GJA9: variants seen among roughly 807,000 people sequenced by gnomAD.
GJA9 encodes the protein gap junction alpha-9 protein.
Under a neutral mutation model 0.4 loss-of-function variants are expected in GJA9, and 1 was observed. That is an observed-to-expected ratio of 2.50 (90% confidence interval 0.89 to 11.88). The LOEUF (loss-of-function observed/expected upper bound fraction) is 11.88, where lower values mean the gene tolerates loss of function less well. Ranked by LOEUF, GJA9 falls within the 30% of genes most tolerant of loss-of-function variation. The probability of loss-of-function intolerance (pLI) is 0.12; values close to 1 mark genes in which losing one functional copy is unlikely to be tolerated. For missense variants in GJA9, 550 were observed against 602.8 expected, an observed-to-expected ratio of 0.91 and a Z score of 0.92; for synonymous variants, 190 against 219.1, an observed-to-expected ratio of 0.87 and a Z score of 1.17.
Position 38,876,123 on chromosome 1 carries a change from T to G in GJA9, c.-25A>C. Reference sequence around the variant, plus strand: ...TGTTTATTTAGTCAGCCATCTTAGCTCTGATCCACATCAAATAAGAGGCAG... The same window carrying G: ...TGTTTATTTAGTCAGCCATCTTAGCGCTGATCCACATCAAATAAGAGGCAG... On this transcript the variant is annotated 5_prime_UTR_variant, in exon 2 of 2. Coordinates refer to ENST00000357771, the MANE Select transcript of GJA9 (RefSeq NM_030772.5). The G allele has an allele frequency of 1.3e-6, 2 of 1,561,750 alleles. No individual in the cohort carries two copies. The highest frequency in any genetic ancestry group is 1.8e-6 in the Non-Finnish European group (2 of 1,138,782).
intron 1 of GJA9, among the ~76,000 whole-genome samples, chr1:38,880,767 G>A (rs1642684776): frequency 6.6e-6 from 1 of 151,918 alleles, no homozygotes; most frequent in Non-Finnish European, 1.5e-5. Context: ...GGGCAATAGA[G>A]TGAGACTCTG....
intron 1 of GJA9, among the ~76,000 whole-genome samples, chr1:38,880,413 A>T (rs867578059): frequency 0.013 from 1,582 of 119,816 alleles, 113 homozygotes; most frequent in African/African-American, 0.043. Flanking sequence ...AAAAAAAAAT[A>T]AATAATAATA....
At chr1:38,876,980 G>A (rs1222708694) in intron 1 of GJA9, among the ~76,000 whole-genome samples, 8 of 151,694 alleles carry the variant, frequency 5.3e-5, no homozygotes, top group African/African-American at 1.7e-4. Flanking sequence ...TGGCCACCTC[G>A]GCCTCCCAAA....
At position 38,875,406 on chromosome 1, in the gene GJA9, GA is replaced by G; in HGVS notation, c.692del (p.Phe231SerfsTer3). 1 of 1,613,572 alleles carries G rather than the reference GA, an allele frequency of 6.2e-7. No individual in the cohort carries two copies. The highest frequency in any genetic ancestry group is 8.5e-7 in the Non-Finnish European group (1 of 1,179,842). ...ISLFLNILEI[F>X]HLGFKKIKRG... ...TTTTAATCTTTTTAAAACCTAGGTG[GA>G]AAATTTCAAGAATGTTTAAGAAAAG... On this transcript the variant is annotated frameshift_variant, in exon 2 of 2. Transcript: ENST00000357771. LOFTEE classifies it low-confidence loss of function (END_TRUNC).
Position 38,874,525 on chromosome 1 carries a change from T to C in GJA9, c.*26A>G, listed in dbSNP as rs1480094900. 1.9e-6 allele frequency: 3 copies of C among 1,559,366 alleles called. No individual in the cohort carries two copies. The highest frequency in any genetic ancestry group is 2.6e-6 in the Non-Finnish European group (3 of 1,136,200). On this transcript the variant is annotated 3_prime_UTR_variant, in exon 2 of 2. Transcript: ENST00000357771. ...ACTAGGCTACTTCTCTGATAATATA[T>C]ATAATGTCTAAAAGCCAACCGCTGT...
At chr1:38,879,368 TAC>T (rs1642650649) in intron 1 of GJA9, among the ~76,000 whole-genome samples, 1 of 152,160 alleles carries the variant, frequency 6.6e-6, no homozygotes, top group South Asian at 2.1e-4. Context: ...TCAAACAAAC[TAC>T]TAAGATACAA....
At position 38,875,804 on chromosome 1, in the gene GJA9, G is replaced by A. The variant is rs760275668; in HGVS notation, c.295C>T (p.Arg99Ter). 41 of 1,614,032 alleles carry A rather than the reference G, an allele frequency of 2.5e-5. No homozygotes were observed. The highest frequency in any genetic ancestry group is 3.3e-5 in the Non-Finnish European group (39 of 1,180,042). Residue 99 changes from arginine (R) to a stop codon, truncating the protein, a stop_gained, in exon 2 of 2, where the codon CGA (arginine) becomes TGA (stop). Transcript: ENST00000357771. LOFTEE classifies it low-confidence loss of function (END_TRUNC). ...SLVYMGHALY[R>*]LRVLEEERQR... is the part of the protein sequence containing the mutation. The stretch of plus-strand genomic sequence containing the variant: ...CTCTCTTCCTCAAGAACTCTCAGTC[G>A]GTACAATGCATGGCCCATGTAGACC...
Position 38,874,373 on chromosome 1 carries a change from T to A in GJA9, c.*178A>T. ...ATTTGACAACTCTATGTCTTTGAATTTAGAAGTGTTGCTTCACAATCTCGA... is the reference window on the plus strand; with the variant it reads ...ATTTGACAACTCTATGTCTTTGAATATAGAAGTGTTGCTTCACAATCTCGA... On this transcript the variant is annotated 3_prime_UTR_variant, in exon 2 of 2. Coordinates refer to ENST00000357771, the MANE Select transcript of GJA9 (RefSeq NM_030772.5). 1 of 561,304 alleles carries A rather than the reference T, an allele frequency of 1.8e-6. No homozygotes were observed. Among genetic ancestry groups the A allele is most frequent in the Admixed American group, 3.4e-5 (1 of 29,266 alleles). 34.8% of individuals were successfully genotyped at this position (561,304 alleles called of 1,614,324 possible). A position where few individuals can be genotyped will look rare whatever the true frequency, so the allele number is the denominator to read the frequency against.
Position 38,877,055 on chromosome 1 carries a change from T to A in GJA9, c.-95-862A>T, listed in dbSNP as rs1642600429. Among the ~76,000 whole-genome samples, 3 of 149,460 alleles carry A rather than the reference T, an allele frequency of 2.0e-5. No individual in the cohort carries two copies. The South Asian group carries it at 6.5e-4, about 32-fold the overall frequency. ...AAATTATATTCTTTTTTTTTTTTTT[T>A]TTGAGACGGAGTCTCACTCTGTAGC... On this transcript the variant is annotated intron_variant, in intron 1 of 1. Coordinates refer to ENST00000357771, the MANE Select transcript of GJA9 (RefSeq NM_030772.5).
Position 38,875,505 on chromosome 1 carries a change from G to T in GJA9, c.594C>A (p.Ile198=). 2 of 1,614,116 alleles carry T rather than the reference G, an allele frequency of 1.2e-6. No homozygotes were observed. The highest frequency in any genetic ancestry group is 1.7e-6 in the Non-Finnish European group (2 of 1,179,972). The change falls in exon 2 of 2, where the codon ATC becomes ATA. Residue 198 remains isoleucine (I), a synonymous_variant. Transcript: ENST00000357771. ...CTGTTGGTCTTGAGACAAAACAGTCGATTATATTTGGACACGGGTGGCCAT... is the reference window on the plus strand; with the variant it reads ...CTGTTGGTCTTGAGACAAAACAGTCTATTATATTTGGACACGGGTGGCCAT... ...KCHGHPCPNI[I]DCFVSRPTEK...
chr1:38,875,595 T>A lies in GJA9; in HGVS notation c.504A>T (p.Glu168Asp). The A allele has an allele frequency of 6.2e-7, 1 of 1,614,184 alleles. No homozygotes were observed. The highest frequency in any genetic ancestry group is 8.5e-7 in the Non-Finnish European group (1 of 1,180,036). ...VIHIFTRSVV[E>D]VGFMIGQYLL... The stretch of plus-strand genomic sequence containing the variant: ...GGTACTGTCCAATCATGAATCCAAC[T>A]TCAACCACAGAGCGAGTGAAAATGT... Residue 168 changes from glutamate to aspartate, a missense_variant, in exon 2 of 2, where the codon GAA becomes GAT. Glu to Asp is a conservative substitution (Grantham distance 45, BLOSUM62 2). Transcript: ENST00000357771.
Position 38,875,993 on chromosome 1 carries a change from C to A in GJA9, c.106G>T (p.Val36Phe). 1 of 1,614,224 alleles carries A rather than the reference C, an allele frequency of 6.2e-7. No individual in the cohort carries two copies. The part of the protein sequence containing the change: ...LTILFIFRML[V>F]LGVAAEDVWN... Reference sequence around the variant, plus strand: ...ACATCTTCAGCTGCTACACCCAGAACAAGCATTCGAAATATGAACAGGATG... The same window carrying A: ...ACATCTTCAGCTGCTACACCCAGAAAAAGCATTCGAAATATGAACAGGATG... The change falls in exon 2 of 2, where the codon GTT becomes TTT. Residue 36 changes from valine to phenylalanine, a missense_variant. Coordinates refer to ENST00000357771, the MANE Select transcript of GJA9 (RefSeq NM_030772.5).
intron 1 of GJA9, among the ~76,000 whole-genome samples, chr1:38,880,413 A>AAAAAAT (rs1408571116): frequency 0.018 from 2,157 of 119,736 alleles, 164 homozygotes; most frequent in Non-Finnish European, 0.027. Context: ...AAAAAAAAAT[A>AAAAAAT]AATAATAATA....
rs1347390543 is a variant in GJA9, at chr1:38,874,831, C to T, written c.1268G>A (p.Arg423Lys). Residue 423 changes from arginine (R) to lysine (K), a missense_variant, in exon 2 of 2, where the codon AGA (arginine) becomes AAA (lysine). Coordinates refer to ENST00000357771, the MANE Select transcript of GJA9 (RefSeq NM_030772.5). ...ANCDWKPRWL[R>K]ATWGSSTEHE... ...TTCTGTAGAGGAACCCCATGTAGCT[C>T]TAAGCCACCGCGGTTTCCAATCGCA... is the stretch of plus-strand genomic sequence containing the variant. The T allele has an allele frequency of 1.9e-6, 3 of 1,614,066 alleles. No individual in the cohort carries two copies. Among genetic ancestry groups the T allele is most frequent in the African/African-American group, 1.3e-5 (1 of 74,928 alleles).
chr1:38,876,266 G>T lies in GJA9; in HGVS notation c.-95-73C>A, dbSNP rs1398780435. ...TACTTTTTCCCTAGATAGCTGTGGG[G>T]TTTTTTCTTTGTTTGTTTGTTTGTT... On this transcript the variant is annotated intron_variant, in intron 1 of 1. Transcript: ENST00000357771. 24 of 634,894 alleles carry T rather than the reference G, an allele frequency of 3.8e-5. No individual in the cohort carries two copies. The South Asian group carries it at 4.5e-4, about 12-fold the overall frequency. 39.3% of individuals were successfully genotyped at this position (634,894 alleles called of 1,614,324 possible).
Position 38,881,468 on chromosome 1 carries a change from G to GT in GJA9, c.-133dup. On this transcript the variant is annotated 5_prime_UTR_variant, in exon 1 of 2. Transcript: ENST00000357771. ...TAGGTAAATCTGAGAAGCAAACCAT[G>GT]TTTAGAAGTTACAGCATGGCCATCT... is the stretch of plus-strand genomic sequence containing the variant. The GT allele has an allele frequency of 1.4e-6, 1 of 701,882 alleles. No homozygotes were observed. The highest frequency in any genetic ancestry group is 2.6e-6 in the Non-Finnish European group (1 of 384,594). 43.5% of individuals were successfully genotyped at this position (701,882 alleles called of 1,614,324 possible).
In GJA9 at chr1:38,874,184, C is replaced by G; in HGVS notation, c.*367G>C. On this transcript the variant is annotated 3_prime_UTR_variant, in exon 2 of 2. Coordinates refer to ENST00000357771, the MANE Select transcript of GJA9 (RefSeq NM_030772.5). ...TGTTCCAGGGGCAAACAGAATTAACCCAGTGTCCAAGGTGGAATTGTATAG... is the reference window on the plus strand; with the variant it reads ...TGTTCCAGGGGCAAACAGAATTAACGCAGTGTCCAAGGTGGAATTGTATAG... 1 of 352,046 alleles carries G rather than the reference C, an allele frequency of 2.8e-6. No homozygotes were observed. The highest frequency in any genetic ancestry group is 5.5e-6 in the Non-Finnish European group (1 of 183,020). 21.8% of individuals were successfully genotyped at this position (352,046 alleles called of 1,614,324 possible).
chr1:38,876,529 T>A (rs1296637217), intron 1 of GJA9, among the ~76,000 whole-genome samples: 1 of 152,166 alleles, frequency 6.6e-6, no homozygotes. Context: ...CCTCTTGCCT[T>A]CACCTCCCAA....
intron 1 of GJA9, among the ~76,000 whole-genome samples, chr1:38,877,201 G>C (rs547919062): frequency 1.5e-4 from 22 of 149,656 alleles, no homozygotes; most frequent in African/African-American, 5.2e-4. Flanking sequence ...CACCATGCCC[G>C]GATAATTTTG....
Sources: allele counts gnomAD v4.1 joint callset (sites outside exome capture counted in the v4.1 genomes callset), GRCh38; gene constraint gnomAD v4.1.1; transcripts MANE v1.5; gene names NCBI Gene and HGNC (gene_info 2026-07-23, HGNC 2026-07-21).